Variants in MORC3 observed in about 807,000 individuals in gnomAD.
The protein encoded by MORC3 is MORC family CW-type zinc finger 3.
MORC3 carries 31 observed loss-of-function variants against 109.1 expected under a neutral mutation model. That is an observed-to-expected ratio of 0.28 (90% CI 0.21 to 0.38). MORC3 has a LOEUF of 0.38. Among genes scored for constraint, MORC3 ranks in the 10% least tolerant of loss-of-function variants. The pLI is 1.00. For missense variants in MORC3, 867 were observed against 1,135.8 expected, an observed-to-expected ratio of 0.76 and a Z score of 3.40; for synonymous variants, 395 against 380.7, an observed-to-expected ratio of 1.04 and a Z score of -0.44.
At chr21:36,349,120 T>C (rs1417633752) in intron 8 of MORC3, among the ~76,000 whole-genome samples, 191 bp from the exon 9 acceptor site, 2 of 152,024 alleles carry the variant, frequency 1.3e-5, no homozygotes, top group African/African-American at 4.8e-5. Flanking sequence ...ATCATGCCAC[T>C]GCACTCCAGC....
intron 1 of MORC3, 52 bp from the exon 2 acceptor site, chr21:36,333,594 T>G: frequency 6.8e-7 from 1 of 1,464,338 alleles, no homozygotes; most frequent in Non-Finnish European, 9.5e-7. Context: ...CTGGTTTTTA[T>G]TTTCAAAAGT....
chr21:36,327,255 C>A (rs1268823552), intron 1 of MORC3, among the ~76,000 whole-genome samples: 2 of 131,350 alleles, frequency 1.5e-5, no homozygotes, highest in Non-Finnish European at 3.1e-5. Flanking sequence ...CTCCCATGTT[C>A]AAGCAATTCT....
At chr21:36,368,054 A>T (rs2085802094) in intron 14 of MORC3, among the ~76,000 whole-genome samples, 1 of 152,164 alleles carries the variant, frequency 6.6e-6, no homozygotes, top group Non-Finnish European at 1.5e-5. Context: ...CCTTCCTGAG[A>T]TCTAGGAGGT....
At chr21:36,350,906 G>A (rs989830596) in intron 9 of MORC3, among the ~76,000 whole-genome samples, 2 of 152,052 alleles carry the variant, frequency 1.3e-5, no homozygotes, top group African/African-American at 4.8e-5. Flanking sequence ...TTTGATACAA[G>A]CATACAACAT....
chr21:36,357,540 G>A (rs539904958), intron 10 of MORC3, among the ~76,000 whole-genome samples: 32 of 151,922 alleles, frequency 2.1e-4, no homozygotes, highest in African/African-American at 7.5e-4. Flanking sequence ...ATGAGCCACC[G>A]TGCCCAGCTT....
rs548493246 is a variant in MORC3, at chr21:36,340,469, TTC to T, written c.609-928_609-927del. On this transcript the variant is annotated intron_variant, in intron 5 of 16. Transcript: ENST00000400485. Reference sequence around the variant, plus strand: ...TGGCAACCTCTAATCTGTTCTCTATTTCTATAATTTTGCCATTTTAAGAATAT... The same window carrying T: ...TGGCAACCTCTAATCTGTTCTCTATTTATAATTTTGCCATTTTAAGAATAT... 3.2e-4 allele frequency among the ~76,000 whole-genome samples: 48 copies of T among 152,194 alleles called. No homozygotes were observed. The East Asian group carries it at 8.9e-3, about 28-fold the overall frequency.
chr21:36,336,087 G>A (rs2146297779), intron 2 of MORC3, among the ~76,000 whole-genome samples: 1 of 148,068 alleles, frequency 6.8e-6, no homozygotes, highest in East Asian at 2.1e-4. Flanking sequence ...CACCATGCCT[G>A]GCTAATTTTT....
At position 36,375,240 on chromosome 21, in the gene MORC3, G is replaced by A. The variant is rs748277584; in HGVS notation, c.2764G>A (p.Val922Ile). The A allele has an allele frequency of 3.1e-6, 5 of 1,613,862 alleles. No individual in the cohort carries two copies. The highest frequency in any genetic ancestry group is 4.2e-6 in the Non-Finnish European group (5 of 1,179,802). The change falls in exon 17 of 17, where the codon GTT becomes ATT. Residue 922 changes from valine to isoleucine, a missense_variant. Val to Ile is a conservative substitution (Grantham distance 29). Around this residue, in one of 7 missense-constraint regions of MORC3, gnomAD observed 34 missense variants for 35.2 expected, o/e 0.97. Transcript: ENST00000400485. ...LQQVNYDVDV[V>I]DEILGQVVEQ... ...GCAAGTGAATTACGATGTTGATGTA[G>A]TTGATGAGATTTTAGGACAAGTTGT...
chr21:36,325,110 T>C (rs1468327780), intron 1 of MORC3, among the ~76,000 whole-genome samples: 1 of 152,198 alleles, frequency 6.6e-6, no homozygotes, highest in Admixed American at 6.5e-5. Flanking sequence ...GGTGATCACA[T>C]AGGAAGGAGT....
intron 16 of MORC3, among the ~76,000 whole-genome samples, chr21:36,374,129 G>C (rs1601546095): frequency 6.6e-6 from 1 of 151,970 alleles, no homozygotes; most frequent in South Asian, 2.1e-4. Flanking sequence ...TTGATCTGAT[G>C]CCCAGGCTGG....
At position 36,340,209 on chromosome 21, in the gene MORC3, C is replaced by T. The variant is rs568152856; in HGVS notation, c.609-1190C>T. Among the ~76,000 whole-genome samples the T allele has an allele frequency of 4.0e-5, 6 of 149,482 alleles. No homozygotes were observed. The East Asian group carries it at 6.0e-4, about 15-fold the overall frequency. On this transcript the variant is annotated intron_variant, in intron 5 of 16. Transcript: ENST00000400485. ...AGGAGAATGGCGTGAACCAGGGAGGCGGAGCTTGCAGTGAGCCGAGATAGC... is the reference window on the plus strand; with the variant it reads ...AGGAGAATGGCGTGAACCAGGGAGGTGGAGCTTGCAGTGAGCCGAGATAGC...
chr21:36,366,677 A>C (rs1343575256), intron 14 of MORC3, among the ~76,000 whole-genome samples: 2 of 151,542 alleles, frequency 1.3e-5, no homozygotes, highest in Admixed American at 1.3e-4. Flanking sequence ...CTGGTCTCAA[A>C]CTCCTAAGCT....
At chr21:36,359,236 T>A (rs1483061229) in intron 10 of MORC3, among the ~76,000 whole-genome samples, 1 of 152,200 alleles carries the variant, frequency 6.6e-6, no homozygotes, top group Admixed American at 6.5e-5. Context: ...TTTAATGCTA[T>A]TAAGACATAA....
At chr21:36,374,275 G>A (rs2085903897) in intron 16 of MORC3, among the ~76,000 whole-genome samples, 1 of 152,048 alleles carries the variant, frequency 6.6e-6, no homozygotes, top group African/African-American at 2.4e-5. Context: ...TTTTTAGGGA[G>A]AGACGGGGTT....
intron 9 of MORC3, among the ~76,000 whole-genome samples, chr21:36,353,520 C>A (rs563241728): frequency 6.6e-6 from 1 of 151,644 alleles, no homozygotes; most frequent in African/African-American, 2.4e-5. Flanking sequence ...GTGGGTAGAT[C>A]ACTTGAGATT....
At chr21:36,350,803 A>T (rs968438299) in intron 9 of MORC3, among the ~76,000 whole-genome samples, 2 of 152,262 alleles carry the variant, frequency 1.3e-5, no homozygotes, top group South Asian at 2.1e-4. Flanking sequence ...CTAAATTCAG[A>T]CATTTAAGGA....
intron 14 of MORC3, among the ~76,000 whole-genome samples, chr21:36,366,953 A>G (rs2085788122): frequency 6.6e-6 from 1 of 152,210 alleles, no homozygotes; most frequent in Non-Finnish European, 1.5e-5. Context: ...AAGCTGCTGG[A>G]GGATGGTAGA....
chr21:36,336,825 C>G lies in MORC3; in HGVS notation c.113-49C>G, dbSNP rs1738030997. 4 of 1,531,690 alleles carry G rather than the reference C, an allele frequency of 2.6e-6. No homozygotes were observed. In the Admixed American group the frequency reaches 7.9e-5, roughly 30 times the overall value. 94.9% of individuals were successfully genotyped at this position (1,531,690 alleles called of 1,614,324 possible). A position where few individuals can be genotyped will look rare whatever the true frequency, so the allele number is the denominator to read the frequency against. ...TTACAGGATTGTTCTGAACTAATTG[C>G]TCTTTTTAAAGTGTAAAATCAGAAT... is the stretch of plus-strand genomic sequence containing the variant. On this transcript the variant is annotated intron_variant, in intron 2 of 16. Coordinates refer to ENST00000400485, the MANE Select transcript of MORC3 (RefSeq NM_015358.3).
chr21:36,352,680 A>ATG (rs1474399131), intron 9 of MORC3, among the ~76,000 whole-genome samples: 1 of 152,156 alleles, frequency 6.6e-6, no homozygotes, highest in Non-Finnish European at 1.5e-5. Context: ...GTAGTTGACA[A>ATG]TGTTAAGTAC....
Sources: gnomAD v4.1 joint callset for allele counts (sites outside exome capture counted in the v4.1 genomes callset) on GRCh38, gnomAD v4.1.1 for gene constraint, gnomAD v4.1.1 regional missense constraint, MANE v1.5 for transcripts, NCBI Gene and HGNC (gene_info 2026-07-23, HGNC 2026-07-21) for gene names.